The following SGCD variants were observed in gnomAD, a reference collection of about 807,000 sequenced individuals.
The protein encoded by SGCD is delta-sarcoglycan.
A neutral mutation model predicts 36.6 loss-of-function variants in SGCD; 18 were observed. The observed-to-expected ratio is 0.49, with a 90% CI of 0.34 to 0.73. SGCD has a LOEUF of 0.73. Ranked by LOEUF, SGCD falls within the 30% of genes least tolerant of loss-of-function variation. SGCD has a pLI of 0.01. For missense variants in SGCD, 387 were observed against 346.7 expected, an observed-to-expected ratio of 1.12 and a Z score of -0.92; for synonymous variants, 133 against 130.6, an observed-to-expected ratio of 1.02 and a Z score of -0.12.
At chr5:156,435,756 T>G (rs1021706149) in intron 3 of SGCD, among the ~76,000 whole-genome samples, 1 of 152,166 alleles carries the variant, frequency 6.6e-6, no homozygotes, top group Non-Finnish European at 1.5e-5. Context: ...TGTATTGATT[T>G]GTCCATCTGT....
chr5:155,943,782 C>T (rs951522321), intron 1 of SGCD, among the ~76,000 whole-genome samples: 1 of 152,138 alleles, frequency 6.6e-6, no homozygotes, highest in East Asian at 1.9e-4. Context: ...CAATTTTGAA[C>T]TCAAATGTAG....
chr5:155,867,592 A>T (rs546093259), upstream of SGCD, among the ~76,000 whole-genome samples: 1 of 152,288 alleles, frequency 6.6e-6, no homozygotes, highest in Admixed American at 6.5e-5. Flanking sequence ...ATCATGGAAG[A>T]TCCCTGCTGT....
At chr5:156,154,950 A>T (rs1762917036) in intron 3 of SGCD, among the ~76,000 whole-genome samples, 1 of 151,666 alleles carries the variant, frequency 6.6e-6, no homozygotes, top group South Asian at 2.1e-4. Context: ...TCATAAAGTG[A>T]TGACAAACTC....
the SGCD span, among the ~76,000 whole-genome samples, chr5:155,735,250 T>A: frequency 6.6e-6 from 1 of 152,366 alleles, no homozygotes; most frequent in African/African-American, 2.4e-5. Flanking sequence ...TAGTTGTTGA[T>A]TAACTATGTT....
intron 4 of SGCD, among the ~76,000 whole-genome samples, chr5:156,536,082 G>T (rs549520693): frequency 6.6e-6 from 1 of 152,116 alleles, no homozygotes; most frequent in South Asian, 2.1e-4. Flanking sequence ...ATATTTAATG[G>T]CAATATTCAT....
intron 3 of SGCD, among the ~76,000 whole-genome samples, chr5:156,506,246 G>A (rs1363137968): frequency 2.6e-5 from 4 of 152,078 alleles, no homozygotes; most frequent in African/African-American, 7.2e-5. Context: ...TGGTATGAAA[G>A]AAAGGTAGTA....
intron 4 of SGCD, among the ~76,000 whole-genome samples, chr5:156,554,516 G>A (rs1041727368): frequency 6.7e-5 from 10 of 150,322 alleles, no homozygotes; most frequent in African/African-American, 2.5e-4. Context: ...AGGAAAAACT[G>A]TTTGTGTATA....
At chr5:156,110,998 A>G (rs1761769291) in intron 1 of SGCD, among the ~76,000 whole-genome samples, 1 of 152,176 alleles carries the variant, frequency 6.6e-6, no homozygotes, top group South Asian at 2.1e-4. Flanking sequence ...CACGAAAAAA[A>G]TATGTTTAGC....
At chr5:156,052,928 C>T (rs978968663) in intron 1 of SGCD, among the ~76,000 whole-genome samples, 2 of 146,082 alleles carry the variant, frequency 1.4e-5, no homozygotes, top group East Asian at 3.9e-4. Flanking sequence ...TGCTGGGTTT[C>T]CTCTTATGCA....
intron 1 of SGCD, among the ~76,000 whole-genome samples, chr5:156,107,072 G>A (rs1004707716): frequency 6.6e-6 from 1 of 152,016 alleles, no homozygotes; most frequent in African/African-American, 2.4e-5. Flanking sequence ...GTTCTTTTCT[G>A]AATGTGATAT....
At chr5:156,426,682 T>A (rs761940504) in intron 3 of SGCD, among the ~76,000 whole-genome samples, 2 of 152,134 alleles carry the variant, frequency 1.3e-5, no homozygotes, top group Admixed American at 6.6e-5. Context: ...TTGAAGAACA[T>A]TTATGGTTTC....
At chr5:155,821,995 A>G in the SGCD span, among the ~76,000 whole-genome samples, 4 of 152,158 alleles carry the variant, frequency 2.6e-5, no homozygotes, top group Non-Finnish European at 4.4e-5. Flanking sequence ...AATTTAACTT[A>G]TTTTCTAAAT....
intron 2 of SGCD, chr5:156,123,762 A>T (rs956311768): frequency 2.0e-5 from 3 of 152,098 alleles, no homozygotes; most frequent in Non-Finnish European, 4.4e-5. Flanking sequence ...TCTTTTGTTT[A>T]GTCTCTCCAA....
At chr5:156,527,420 G>A (rs1757691211) in intron 4 of SGCD, among the ~76,000 whole-genome samples, 2 of 152,188 alleles carry the variant, frequency 1.3e-5, no homozygotes, top group Admixed American at 1.3e-4. Flanking sequence ...GAGACAGTGT[G>A]TTGGATGTAA....
intron 1 of SGCD, among the ~76,000 whole-genome samples, chr5:156,089,375 C>G (rs1363604962): frequency 6.6e-6 from 1 of 152,192 alleles, no homozygotes; most frequent in Non-Finnish European, 1.5e-5. Context: ...ATTGCAGTCT[C>G]CATGACAAAT....
chr5:156,678,373 G>C (rs1299095506), intron 7 of SGCD, among the ~76,000 whole-genome samples: 2 of 152,184 alleles, frequency 1.3e-5, no homozygotes, highest in East Asian at 1.9e-4. Flanking sequence ...TGGAGGTAAA[G>C]TTTTAGAATA....
chr5:155,933,034 GTT>G (rs1757127840), intron 1 of SGCD, among the ~76,000 whole-genome samples: 1 of 152,212 alleles, frequency 6.6e-6, no homozygotes, highest in African/African-American at 2.4e-5. Context: ...AACCAAGAGG[GTT>G]AGTATGTTGC....
chr5:155,937,010 G>A (rs111333075), intron 1 of SGCD, among the ~76,000 whole-genome samples: 4 of 151,276 alleles, frequency 2.6e-5, no homozygotes, highest in South Asian at 2.1e-4. Flanking sequence ...GCCAGGGAGT[G>A]GGGGGAGAGA....
intron 1 of SGCD, among the ~76,000 whole-genome samples, chr5:156,110,339 C>A (rs191401118): frequency 1.3e-5 from 2 of 152,234 alleles, no homozygotes; most frequent in African/African-American, 2.4e-5. Context: ...GTTTTGCTGA[C>A]CTCTATGAGG....
Sources: gnomAD v4.1 joint callset for allele counts (sites outside exome capture counted in the v4.1 genomes callset) on GRCh38, gnomAD v4.1.1 for gene constraint, MANE v1.5 for transcripts, NCBI Gene and HGNC (gene_info 2026-07-23, HGNC 2026-07-21) for gene names.